ARHGAP42: variants seen among roughly 807,000 people sequenced by gnomAD.
The protein encoded by ARHGAP42 is rho GTPase-activating protein 42.
In ARHGAP42, 63 loss-of-function variants were observed where a neutral mutation model predicts 125.0. The ratio of observed to expected loss-of-function variants is 0.50; its 90% confidence interval spans 0.41 to 0.62. The LOEUF is 0.62. Ranked by LOEUF, ARHGAP42 falls within the 20% of genes least tolerant of loss-of-function variation. The pLI is 0.00. For missense variants in ARHGAP42, 766 were observed against 1,024.2 expected (o/e 0.75, Z 3.44); for synonymous variants, 339 against 351.0 (o/e 0.97, Z 0.38).
chr11:100,863,894 G>C (rs907337382), intron 4 of ARHGAP42, among the ~76,000 whole-genome samples: 2 of 152,114 alleles, frequency 1.3e-5, no homozygotes, highest in African/African-American at 4.8e-5. Flanking sequence ...TCAACTCTAT[G>C]AATTTCCACT....
chr11:100,876,873 A>C (rs1264081608), intron 4 of ARHGAP42, among the ~76,000 whole-genome samples: 1 of 152,206 alleles, frequency 6.6e-6, no homozygotes, highest in African/African-American at 2.4e-5. Context: ...GCCAGTAATA[A>C]TCTGAAGCCA....
intron 4 of ARHGAP42, among the ~76,000 whole-genome samples, chr11:100,898,850 T>C (rs1296984376): frequency 6.6e-6 from 1 of 152,208 alleles, no homozygotes; most frequent in African/African-American, 2.4e-5. Context: ...CCTTCATTTC[T>C]GCTCTGATCT....
At chr11:100,872,532 A>G (rs1865720955) in intron 4 of ARHGAP42, among the ~76,000 whole-genome samples, 1 of 152,020 alleles carries the variant, frequency 6.6e-6, no homozygotes, top group Non-Finnish European at 1.5e-5. Context: ...AGTAGCTGGT[A>G]TTATAGGTCT....
At chr11:100,892,098 G>A (rs17659845) in intron 4 of ARHGAP42, among the ~76,000 whole-genome samples, 13,799 of 152,192 alleles carry the variant, frequency 0.091, 897 homozygotes, top group Non-Finnish European at 0.13. Flanking sequence ...CTACATTTAC[G>A]GAAAGCCTTG....
intron 1 of ARHGAP42, among the ~76,000 whole-genome samples, chr11:100,754,780 G>T (rs1398291592): frequency 6.6e-6 from 1 of 152,018 alleles, no homozygotes; most frequent in Non-Finnish European, 1.5e-5. Flanking sequence ...TAATCACTAC[G>T]TAGCTTTATT....
chr11:100,798,931 A>G (rs970318761), intron 3 of ARHGAP42, among the ~76,000 whole-genome samples: 1 of 152,200 alleles, frequency 6.6e-6, no homozygotes, highest in African/African-American at 2.4e-5. Context: ...GGGAAGGATC[A>G]CACAAGTAGG....
intron 3 of ARHGAP42, among the ~76,000 whole-genome samples, chr11:100,837,666 CTT>C (rs373059302): frequency 1.6e-3 from 95 of 61,000 alleles, no homozygotes; most frequent in Non-Finnish European, 2.1e-3. Context: ...AGGTGTCATC[CTT>C]TTTTTTTTTT....
At chr11:100,967,944 G>A (rs181808318) in intron 17 of ARHGAP42, among the ~76,000 whole-genome samples, 2 of 151,924 alleles carry the variant, frequency 1.3e-5, no homozygotes, top group Admixed American at 1.3e-4. Flanking sequence ...GGATGGTCTC[G>A]CTCTCTTGAC....
chr11:100,983,120 C>G (rs985491166), intron 22 of ARHGAP42, among the ~76,000 whole-genome samples: 9 of 152,188 alleles, frequency 5.9e-5, no homozygotes, highest in Admixed American at 4.6e-4. Flanking sequence ...TTCTTGATCT[C>G]ACAACACCTT....
chr11:100,896,120 G>T (rs995336855), intron 4 of ARHGAP42, among the ~76,000 whole-genome samples: 3 of 152,118 alleles, frequency 2.0e-5, no homozygotes, highest in African/African-American at 7.2e-5. Flanking sequence ...GTGATAGTTT[G>T]CTCAGAATGA....
chr11:100,779,552 A>ATACATACG, intron 2 of ARHGAP42, among the ~76,000 whole-genome samples: 2 of 87,342 alleles, frequency 2.3e-5, no homozygotes, highest in African/African-American at 8.2e-5. Flanking sequence ...ATATATATAC[A>ATACATACG]TATACATACG....
intron 4 of ARHGAP42, among the ~76,000 whole-genome samples, chr11:100,906,515 T>A (rs1375430819): frequency 3.3e-5 from 5 of 152,210 alleles, no homozygotes; most frequent in Non-Finnish European, 5.9e-5. Context: ...TATGATGACA[T>A]GCCTTTTGTT....
intron 3 of ARHGAP42, chr11:100,840,085 A>T (rs1186625795): frequency 1.3e-5 from 2 of 152,218 alleles, no homozygotes; most frequent in African/African-American, 4.8e-5. Context: ...CTTATAAAGA[A>T]AGTAGTGTAA....
At chr11:100,871,628 C>T (rs552886970) in intron 4 of ARHGAP42, among the ~76,000 whole-genome samples, 1 of 151,564 alleles carries the variant, frequency 6.6e-6, no homozygotes, top group South Asian at 2.1e-4. Flanking sequence ...ATCAGAAATA[C>T]ATACAATTTT....
chr11:100,867,020 G>A (rs1865585289), intron 4 of ARHGAP42, among the ~76,000 whole-genome samples: 1 of 152,058 alleles, frequency 6.6e-6, no homozygotes, highest in African/African-American at 2.4e-5. Flanking sequence ...TTTTTCCTTA[G>A]CAAAAGATCT....
chr11:100,956,322 C>G (rs1857803152), intron 12 of ARHGAP42, among the ~76,000 whole-genome samples: 1 of 152,144 alleles, frequency 6.6e-6, no homozygotes, highest in Admixed American at 6.6e-5. Flanking sequence ...ATCCTCAAGT[C>G]TCAGAGGCTG....
intron 5 of ARHGAP42, among the ~76,000 whole-genome samples, chr11:100,915,208 T>C (rs1319198630): frequency 3.3e-5 from 5 of 152,210 alleles, no homozygotes; most frequent in Non-Finnish European, 4.4e-5. Context: ...CTGTATTTGG[T>C]ACTGCTTGTT....
chr11:100,731,559 C>G (rs1861959304), intron 1 of ARHGAP42, among the ~76,000 whole-genome samples: 1 of 152,146 alleles, frequency 6.6e-6, no homozygotes, highest in African/African-American at 2.4e-5. Context: ...CAGATATTGT[C>G]AATAGAAAGG....
intron 2 of ARHGAP42, among the ~76,000 whole-genome samples, chr11:100,776,853 C>T (rs766327954): frequency 2.6e-5 from 4 of 151,736 alleles, no homozygotes; most frequent in Non-Finnish European, 5.9e-5. Context: ...CATGATGGCA[C>T]GTGCCTGTAA....
Sources: gnomAD v4.1 joint callset for allele counts (sites outside exome capture counted in the v4.1 genomes callset) on GRCh38, gnomAD v4.1.1 for gene constraint, MANE v1.5 for transcripts, NCBI Gene and HGNC (gene_info 2026-07-23, HGNC 2026-07-21) for gene names.